Variants in CELF2 observed in about 807,000 individuals in gnomAD.
CELF2 encodes CUGBP Elav-like family member 2, also known as CUG triplet repeat RNA-binding protein 2.
Under a neutral mutation model 62.6 loss-of-function variants are expected in CELF2, and 8 were observed. That is an observed-to-expected ratio of 0.13 (90% CI 0.07 to 0.23). The LOEUF is 0.23. Ranked by LOEUF, CELF2 falls within the 10% of genes least tolerant of loss-of-function variation. The pLI, the probability that CELF2 is intolerant of heterozygous loss-of-function variation, is 1.00. For synonymous variants in CELF2, 258 were observed against 250.0 expected (o/e 1.03, Z -0.30); for missense variants, 333 against 671.0 (o/e 0.50, Z 5.56).
At chr10:11,080,748 G>C (rs2073790709) in intron 1 of CELF2, among the ~76,000 whole-genome samples, 1 of 152,242 alleles carries the variant, frequency 6.6e-6, no homozygotes, top group Admixed American at 6.5e-5. Context: ...CCCTATTCCG[G>C]AGGTGGAGGA....
chr10:11,199,536 G>A (rs1208509114), intron 2 of CELF2, among the ~76,000 whole-genome samples: 1 of 152,144 alleles, frequency 6.6e-6, no homozygotes, highest in Non-Finnish European at 1.5e-5. Flanking sequence ...ATGGTCAGAT[G>A]TTGCCCTCTG....
the CELF2 span, among the ~76,000 whole-genome samples, chr10:10,782,820 CT>C: frequency 6.6e-6 from 1 of 152,182 alleles, no homozygotes. Context: ...ATCGTGCCCC[CT>C]GGTCTGTGAT....
chr10:10,530,486 A>T, the CELF2 span, among the ~76,000 whole-genome samples: 1 of 152,214 alleles, frequency 6.6e-6, no homozygotes, highest in African/African-American at 2.4e-5. Flanking sequence ...TCTAGAAGCT[A>T]GGAATGCCTA....
the CELF2 span, among the ~76,000 whole-genome samples, chr10:10,501,476 T>C: frequency 1.3e-5 from 2 of 152,060 alleles, no homozygotes; most frequent in Non-Finnish European, 2.9e-5. Context: ...TTTCCTGTTA[T>C]GTTTTGAGAA....
chr10:10,635,415 T>C, the CELF2 span, among the ~76,000 whole-genome samples: 2 of 152,214 alleles, frequency 1.3e-5, no homozygotes, highest in African/African-American at 4.8e-5. Flanking sequence ...TTATCAATTA[T>C]TTTTCTAGAA....
At chr10:10,776,942 C>T in the CELF2 span, among the ~76,000 whole-genome samples, 10 of 152,370 alleles carry the variant, frequency 6.6e-5, no homozygotes, top group Non-Finnish European at 1.0e-4. Context: ...ATTCTCTTCA[C>T]GTCTTGGCTA....
the CELF2 span, among the ~76,000 whole-genome samples, chr10:10,572,336 CTT>C: frequency 1.9e-5 from 2 of 107,346 alleles, no homozygotes; most frequent in African/African-American, 3.2e-5. Flanking sequence ...TTGGTTTTTT[CTT>C]TTTTTTTTAA....
chr10:10,627,184 A>C, the CELF2 span, among the ~76,000 whole-genome samples: 22 of 152,210 alleles, frequency 1.4e-4, no homozygotes, highest in Non-Finnish European at 2.1e-4. Context: ...AACGTCAGAG[A>C]GGTTCACAGG....
intron 1 of CELF2, among the ~76,000 whole-genome samples, chr10:11,134,667 A>G (rs542177136): frequency 3.6e-4 from 55 of 152,318 alleles, no homozygotes; most frequent in Non-Finnish European, 6.6e-4. Context: ...ACAGACCTTC[A>G]GTAAGTTCCT....
chr10:10,476,702 A>G, the CELF2 span, among the ~76,000 whole-genome samples: 1 of 152,178 alleles, frequency 6.6e-6, no homozygotes, highest in African/African-American at 2.4e-5. Context: ...TTCTTATGGC[A>G]TTTTCTGAAT....
chr10:10,470,421 T>G, the CELF2 span, among the ~76,000 whole-genome samples: 1 of 151,776 alleles, frequency 6.6e-6, no homozygotes, highest in African/African-American at 2.4e-5. Flanking sequence ...AAAATCAAAG[T>G]GTCAGCAGGC....
intron 1 of CELF2, among the ~76,000 whole-genome samples, chr10:11,114,145 T>A (rs2055960477): frequency 6.6e-6 from 1 of 152,220 alleles, no homozygotes. Context: ...ATAGCTCATT[T>A]GAGGGTTTCC....
At chr10:11,056,103 C>A (rs2065178745) in intron 1 of CELF2, among the ~76,000 whole-genome samples, 1 of 152,190 alleles carries the variant, frequency 6.6e-6, no homozygotes, top group African/African-American at 2.4e-5. Flanking sequence ...TATAGATAAA[C>A]CCTCTGATGG....
At chr10:10,989,213 A>G (rs1306639405) in intron 2 of CELF2, among the ~76,000 whole-genome samples, 1 of 152,198 alleles carries the variant, frequency 6.6e-6, no homozygotes, top group African/African-American at 2.4e-5. Flanking sequence ...CAGAACAAAT[A>G]CCAATAAAAA....
At chr10:10,667,103 C>T in the CELF2 span, among the ~76,000 whole-genome samples, 3 of 152,072 alleles carry the variant, frequency 2.0e-5, no homozygotes, top group African/African-American at 7.2e-5. Context: ...CAAAAGGTTC[C>T]TGTTCATTTG....
chr10:10,885,157 C>T (rs1049046460), intron 1 of CELF2, among the ~76,000 whole-genome samples: 3 of 151,716 alleles, frequency 2.0e-5, no homozygotes, highest in Admixed American at 6.6e-5. Context: ...GCAGGAGAAT[C>T]GCTTGAACAC....
chr10:10,511,411 T>C, the CELF2 span, among the ~76,000 whole-genome samples: 2 of 152,028 alleles, frequency 1.3e-5, no homozygotes, highest in Admixed American at 6.6e-5. Context: ...AGACTCCATC[T>C]CAAAACTAAA....
At chr10:11,286,932 C>A (rs2091458074) in intron 8 of CELF2, among the ~76,000 whole-genome samples, 1 of 152,174 alleles carries the variant, frequency 6.6e-6, no homozygotes, top group African/African-American at 2.4e-5. Flanking sequence ...AATGCAAATC[C>A]ATTTAGCAAC....
chr10:10,809,212 T>C (rs1333440900), intron 1 of CELF2, among the ~76,000 whole-genome samples: 2 of 152,196 alleles, frequency 1.3e-5, no homozygotes, highest in Non-Finnish European at 2.9e-5. Flanking sequence ...TCTTTCTCTC[T>C]GTCTCTGTCT....
Sources: allele counts gnomAD v4.1 joint callset (sites outside exome capture counted in the v4.1 genomes callset), GRCh38; gene constraint gnomAD v4.1.1; transcripts MANE v1.5; gene names NCBI Gene and HGNC (gene_info 2026-07-23, HGNC 2026-07-21).